L3MBTL3: variants seen among roughly 807,000 people sequenced by gnomAD.
The protein encoded by L3MBTL3 is lethal(3)malignant brain tumor-like protein 3.
A neutral mutation model predicts 102.3 loss-of-function variants in L3MBTL3; 27 were observed. That is an observed-to-expected ratio of 0.26 (90% CI 0.19 to 0.36). L3MBTL3 has a LOEUF of 0.36. L3MBTL3 is among the 10% of genes least tolerant of loss of function. The pLI, the probability that L3MBTL3 is intolerant of heterozygous loss-of-function variation, is 1.00. For synonymous variants in L3MBTL3, 340 were observed against 320.9 expected (o/e 1.06, Z -0.64); for missense variants, 798 against 955.3 (o/e 0.84, Z 2.17).
chr6:130,123,321 A>T (rs540132165), intron 20 of L3MBTL3, among the ~76,000 whole-genome samples: 7 of 152,154 alleles, frequency 4.6e-5, no homozygotes, highest in East Asian at 3.9e-4. Context: ...GCTAGGAGTC[A>T]TATATAATTC....
In L3MBTL3 at chr6:130,140,688, T is replaced by TA. The variant is rs1355416736; in HGVS notation, c.*937dup. 6.6e-6 allele frequency: 1 copy of TA among 152,214 alleles called. No individual in the cohort carries two copies. Among genetic ancestry groups the TA allele is most frequent in the Non-Finnish European group, 1.5e-5 (1 of 68,038 alleles). The allele number at this position is 152,214 out of a possible 1,614,324, so 9.4% of individuals were successfully genotyped here. ...TGAAATTGTGGTGGTTTACAGAGAC[T>TA]AAGAGCTCATTCTGTCAACAGAAAC... On this transcript the variant is annotated 3_prime_UTR_variant, in exon 23 of 23. Transcript: ENST00000361794.
At chr6:130,097,270 G>C (rs918587756) in intron 18 of L3MBTL3, among the ~76,000 whole-genome samples, 2 of 152,098 alleles carry the variant, frequency 1.3e-5, no homozygotes, top group African/African-American at 4.8e-5. Flanking sequence ...TCTTACTTTT[G>C]TTCTTACTAA....
intron 20 of L3MBTL3, among the ~76,000 whole-genome samples, chr6:130,132,916 A>G (rs1261442477): frequency 1.3e-5 from 2 of 152,210 alleles, no homozygotes; most frequent in East Asian, 1.9e-4. Context: ...CAATAATTTC[A>G]TATCCCTGTC....
chr6:130,067,152 C>T (rs1332034463), intron 11 of L3MBTL3, among the ~76,000 whole-genome samples: 3 of 152,054 alleles, frequency 2.0e-5, no homozygotes, highest in Non-Finnish European at 4.4e-5. Context: ...CTTGCTGTGT[C>T]GCCCAGGTTG....
chr6:130,028,442 G>A (rs556022186), intron 2 of L3MBTL3, among the ~76,000 whole-genome samples: 3 of 152,174 alleles, frequency 2.0e-5, no homozygotes, highest in East Asian at 1.9e-4. Context: ...TGTCTCCTCT[G>A]CAGGGATGGA....
At chr6:130,063,249 A>G (rs1782029196) in intron 10 of L3MBTL3, among the ~76,000 whole-genome samples, 1 of 152,182 alleles carries the variant, frequency 6.6e-6, no homozygotes, top group Non-Finnish European at 1.5e-5. Flanking sequence ...TTGGAGGCAC[A>G]CATTTGGGAA....
Position 130,038,030 on chromosome 6 carries a change from G to C in L3MBTL3, c.-15-4655G>C, listed in dbSNP as rs553823501. ...ATATGAATGAGAACATGTGATATTT[G>C]TCTTTCTGAGCCTACCTTCTTTTAC... On this transcript the variant is annotated intron_variant, in intron 2 of 22. Transcript: ENST00000361794. Among the ~76,000 whole-genome samples, 5 of 150,966 alleles carry C rather than the reference G, an allele frequency of 3.3e-5. No individual in the cohort carries two copies. In the South Asian group the frequency reaches 8.4e-4, roughly 25 times the overall value.
chr6:130,111,228 A>G (rs1785328053), intron 19 of L3MBTL3, among the ~76,000 whole-genome samples: 2 of 152,222 alleles, frequency 1.3e-5, no homozygotes, highest in Non-Finnish European at 2.9e-5. Flanking sequence ...GGTTACCACC[A>G]TGGACAGCAG....
intron 7 of L3MBTL3, chr6:130,054,963 G>A (rs148184952): frequency 2.6e-5 from 13 of 499,040 alleles, no homozygotes; most frequent in South Asian, 6.2e-5. Context: ...CCTTCCAACC[G>A]GTAACACGTG....
rs1183414509 is a variant in L3MBTL3 at position 130,042,743 on chromosome 6, T to C, written c.44T>C (p.Val15Ala). 1 of 1,613,658 alleles carries C rather than the reference T, an allele frequency of 6.2e-7. No homozygotes were observed. Among genetic ancestry groups the C allele is most frequent in the African/African-American group, 1.3e-5 (1 of 74,906 alleles). The part of the protein sequence containing the change: ...ASSTSGQEFD[V>A]FSVMDWKDGV... ...AGCACAAGTGGTCAAGAGTTTGATG[T>C]GTTCAGTGTTATGGACTGGAAAGAT... Residue 15 changes from valine to alanine, a missense_variant, in exon 3 of 23, where the codon GTG becomes GCG. Transcript: ENST00000361794.
intron 14 of L3MBTL3, among the ~76,000 whole-genome samples, chr6:130,081,584 A>AAT (rs1554230744): frequency 6.9e-6 from 1 of 145,166 alleles, no homozygotes; most frequent in Non-Finnish European, 1.5e-5. Flanking sequence ...ACACCTGGCT[A>AAT]TTTTTTTTTT....
chr6:130,034,177 A>G (rs1428484528), intron 2 of L3MBTL3, among the ~76,000 whole-genome samples: 1 of 152,206 alleles, frequency 6.6e-6, no homozygotes, highest in East Asian at 1.9e-4. Flanking sequence ...ATAGGAGCAA[A>G]GAAGTTGTAG....
At chr6:130,135,070 C>CTTT (rs5880000) in intron 22 of L3MBTL3, among the ~76,000 whole-genome samples, 2 of 127,412 alleles carry the variant, frequency 1.6e-5, no homozygotes, top group East Asian at 4.4e-4. Context: ...CTGTTTTTTC[C>CTTT]TTTTTTTTTT....
intron 20 of L3MBTL3, among the ~76,000 whole-genome samples, chr6:130,124,105 G>A (rs191354674): frequency 6.6e-6 from 1 of 152,280 alleles, no homozygotes; most frequent in East Asian, 1.9e-4. Flanking sequence ...CACAAGTTGT[G>A]CAGGTGGCGG....
Position 130,062,137 on chromosome 6 carries a change from T to C in L3MBTL3, c.864+1997T>C, listed in dbSNP as rs897104480. ...GCTTTTGGTTTTTGCAGATTTATTT[T>C]ACCTTCCCTATTTTTTATTATAAAA... On this transcript the variant is annotated intron_variant, in intron 10 of 22. Coordinates refer to ENST00000361794, the MANE Select transcript of L3MBTL3 (RefSeq NM_032438.4). 5.3e-5 allele frequency among the ~76,000 whole-genome samples: 8 copies of C among 152,242 alleles called. No individual in the cohort carries two copies. The East Asian group carries it at 1.5e-3, about 29-fold the overall frequency.
chr6:130,075,121 C>T (rs554488545), intron 13 of L3MBTL3, among the ~76,000 whole-genome samples: 31 of 152,182 alleles, frequency 2.0e-4, no homozygotes, highest in African/African-American at 7.0e-4. Flanking sequence ...ATGAATGGAA[C>T]CTGGGCTGTT....
At chr6:130,108,567 A>C (rs1785145891) in intron 19 of L3MBTL3, among the ~76,000 whole-genome samples, 1 of 152,110 alleles carries the variant, frequency 6.6e-6, no homozygotes, top group African/African-American at 2.4e-5. Flanking sequence ...TTGAAAGAGA[A>C]ATAGATTACT....
At chr6:130,056,329 C>T (rs1349144101) in intron 8 of L3MBTL3, among the ~76,000 whole-genome samples, 1 of 152,082 alleles carries the variant, frequency 6.6e-6, no homozygotes, top group Non-Finnish European at 1.5e-5. Flanking sequence ...ATGTACTTTT[C>T]TGCTTATTCT....
intron 7 of L3MBTL3, 46 bp downstream of exon 7, chr6:130,053,037 G>A (rs771087967): frequency 1.5e-5 from 21 of 1,436,152 alleles, no homozygotes; most frequent in Non-Finnish European, 2.0e-5. Context: ...TGCATCTTTA[G>A]TGGGTAGCAT....
Sources: gnomAD v4.1 joint callset for allele counts (sites outside exome capture counted in the v4.1 genomes callset) on GRCh38, gnomAD v4.1.1 for gene constraint, MANE v1.5 for transcripts, NCBI Gene and HGNC (gene_info 2026-07-23, HGNC 2026-07-21) for gene names.